ATG10: variants seen among roughly 807,000 people sequenced by gnomAD.
The protein encoded by ATG10 is ubiquitin-like-conjugating enzyme ATG10.
In ATG10, 30 loss-of-function variants were observed where a neutral mutation model predicts 32.1. The ratio of observed to expected loss-of-function variants is 0.94; its 90% CI spans 0.70 to 1.27. The LOEUF is 1.27. Among genes scored for constraint, ATG10 ranks in the 50% most tolerant of loss-of-function variants. The pLI is 0.00. For synonymous variants in ATG10, 87 were observed against 91.5 expected, an observed-to-expected ratio of 0.95 and a Z score of 0.28; for missense variants, 233 against 262.3, an observed-to-expected ratio of 0.89 and a Z score of 0.77.
intron 3 of ATG10, among the ~76,000 whole-genome samples, chr5:82,110,571 T>A (rs1301884049): frequency 5.3e-5 from 8 of 152,328 alleles, no homozygotes; most frequent in Non-Finnish European, 1.2e-4. Flanking sequence ...CATTTTTTCA[T>A]GTGTCTGTTG....
intron 5 of ATG10, among the ~76,000 whole-genome samples, chr5:82,217,375 A>T (rs1353818488): frequency 6.6e-6 from 1 of 152,176 alleles, no homozygotes; most frequent in Non-Finnish European, 1.5e-5. Context: ...TGTGCTATTT[A>T]TGTGCATTAG....
chr5:82,015,218 C>A (rs1286899366), intron 2 of ATG10, among the ~76,000 whole-genome samples: 1 of 152,214 alleles, frequency 6.6e-6, no homozygotes, highest in Non-Finnish European at 1.5e-5. Context: ...ATGGGCTTCC[C>A]TTTGTGGGTA....
intron 3 of ATG10, among the ~76,000 whole-genome samples, chr5:82,104,979 T>C (rs760185905): frequency 1.3e-5 from 2 of 152,156 alleles, no homozygotes; most frequent in Non-Finnish European, 2.9e-5. Flanking sequence ...GATCAGTTTA[T>C]GCTGCATCCA....
At chr5:82,035,154 C>T (rs747108315) in intron 2 of ATG10, among the ~76,000 whole-genome samples, 13 of 152,128 alleles carry the variant, frequency 8.5e-5, no homozygotes, top group East Asian at 1.9e-4. Flanking sequence ...TCAGGTAATC[C>T]GCCTGCCTCA....
intron 5 of ATG10, among the ~76,000 whole-genome samples, chr5:82,190,626 C>G (rs1744618582): frequency 6.6e-6 from 1 of 151,448 alleles, no homozygotes; most frequent in African/African-American, 2.4e-5. Flanking sequence ...CAAAAATTAG[C>G]TGGGTGTGGT....
chr5:82,203,819 T>A (rs976444043), intron 5 of ATG10, among the ~76,000 whole-genome samples: 1 of 152,154 alleles, frequency 6.6e-6, no homozygotes, highest in Non-Finnish European at 1.5e-5. Context: ...ATCTCTAAAA[T>A]GGAGATAAAA....
intron 3 of ATG10, among the ~76,000 whole-genome samples, chr5:82,072,882 T>A (rs1764172828): frequency 6.6e-6 from 1 of 152,162 alleles, no homozygotes; most frequent in African/African-American, 2.4e-5. Flanking sequence ...ACATAATTAG[T>A]GATGTAAAAA....
At chr5:82,139,539 G>A (rs1377766222) in intron 3 of ATG10, among the ~76,000 whole-genome samples, 10 of 143,428 alleles carry the variant, frequency 7.0e-5, no homozygotes, top group African/African-American at 1.3e-4. Context: ...CCGAGACCCC[G>A]TCTGGGAGGT....
chr5:82,203,727 T>A (rs1474560373), intron 5 of ATG10, among the ~76,000 whole-genome samples: 1 of 152,158 alleles, frequency 6.6e-6, no homozygotes, highest in Non-Finnish European at 1.5e-5. Flanking sequence ...GTGTTTCTGT[T>A]TGTTCTGTCT....
At chr5:82,037,245 T>TTA (rs1762955732) in intron 2 of ATG10, among the ~76,000 whole-genome samples, 2 of 59,432 alleles carry the variant, frequency 3.4e-5, no homozygotes, top group African/African-American at 1.4e-4. Context: ...TTTTTTTTTT[T>TTA]TTTTTTTTTT....
chr5:82,057,502 C>T (rs996689788), intron 2 of ATG10, among the ~76,000 whole-genome samples: 8 of 152,108 alleles, frequency 5.3e-5, no homozygotes, highest in Non-Finnish European at 1.2e-4. Flanking sequence ...TGGCTTTCTT[C>T]CCTGTTTGTG....
intron 5 of ATG10, among the ~76,000 whole-genome samples, chr5:82,249,075 T>C (rs990884332): frequency 3.9e-5 from 6 of 152,150 alleles, no homozygotes; most frequent in Non-Finnish European, 7.4e-5. Context: ...TTTTATTCTA[T>C]TAGAACATAA....
chr5:82,166,330 C>T (rs1743580094), intron 4 of ATG10, among the ~76,000 whole-genome samples: 2 of 152,112 alleles, frequency 1.3e-5, no homozygotes, highest in South Asian at 4.1e-4. Context: ...GAAGCATTCG[C>T]CCCCCACCAC....
intron 2 of ATG10, among the ~76,000 whole-genome samples, chr5:82,033,932 T>C: frequency 6.7e-6 from 1 of 148,736 alleles, no homozygotes; most frequent in South Asian, 2.1e-4. Flanking sequence ...TATGTGTATA[T>C]GTATGTGTAC....
At chr5:82,184,825 C>G (rs1011097637) in intron 5 of ATG10, among the ~76,000 whole-genome samples, 1 of 152,156 alleles carries the variant, frequency 6.6e-6, no homozygotes, top group East Asian at 1.9e-4. Context: ...CATGCCTACT[C>G]TGTCTAATGA....
At chr5:82,055,902 G>T (rs1265324364) in intron 2 of ATG10, among the ~76,000 whole-genome samples, 2 of 151,950 alleles carry the variant, frequency 1.3e-5, no homozygotes, top group Non-Finnish European at 1.5e-5. Context: ...TGTTACAATT[G>T]CCTGCAATTA....
chr5:82,245,427 C>G (rs995820806), intron 5 of ATG10, among the ~76,000 whole-genome samples: 1 of 152,170 alleles, frequency 6.6e-6, no homozygotes, highest in African/African-American at 2.4e-5. Flanking sequence ...TCCGTGAATA[C>G]AAATTGCTGG....
intron 3 of ATG10, among the ~76,000 whole-genome samples, chr5:82,072,786 G>A (rs1764169910): frequency 6.6e-6 from 1 of 152,122 alleles, no homozygotes; most frequent in African/African-American, 2.4e-5. Context: ...GTAGTTTAGT[G>A]TTCTTTTAAA....
In ATG10 at chr5:81,988,537, G is replaced by T. The variant is rs536950448; in HGVS notation, c.108+859G>T. On this transcript the variant is annotated intron_variant, in intron 2 of 7. Transcript: ENST00000282185. ...CAATCTCCACCTCCTGGGTTCAAGC[G>T]ATTCTTGTGCCTCAGCCTCCCGAGT... Among the ~76,000 whole-genome samples the T allele has an allele frequency of 1.2e-3, 175 of 152,168 alleles. 2 individuals are homozygous for T. Among genetic ancestry groups the T allele is most frequent in the Admixed American group, 2.3e-3 (35 of 15,280 alleles).
Sources: allele counts gnomAD v4.1 joint callset (sites outside exome capture counted in the v4.1 genomes callset), GRCh38; gene constraint gnomAD v4.1.1; transcripts MANE v1.5; gene names NCBI Gene and HGNC (gene_info 2026-07-23, HGNC 2026-07-21).